PTPN6: variants seen among roughly 807,000 people sequenced by gnomAD.
PTPN6 encodes tyrosine-protein phosphatase non-receptor type 6.
Under a neutral mutation model 81.5 loss-of-function variants are expected in PTPN6, and 18 were observed. The observed-to-expected ratio is 0.22, with a 90% confidence interval of 0.15 to 0.33. The LOEUF is 0.33. PTPN6 is among the 10% of genes least tolerant of loss of function. The pLI is 1.00. For synonymous variants in PTPN6, 301 were observed against 310.9 expected (o/e 0.97, Z 0.33); for missense variants, 500 against 794.2 (o/e 0.63, Z 4.45).
At chr12:6,951,301 C>T, upstream of PTPN6, 1 of 1,484,158 alleles carries the variant, frequency 6.7e-7, no homozygotes, top group East Asian at 2.5e-5. The surrounding 1 kb of genome is among the most constrained non-coding windows in gnomAD (Gnocchi z 7.2). Flanking sequence ...AGTGAGTTCC[C>T]CCAAGGGGTC....
chr12:6,947,424 CTG>C (rs1484771305), upstream of PTPN6, among the ~76,000 whole-genome samples: 1 of 152,166 alleles, frequency 6.6e-6, no homozygotes, highest in Non-Finnish European at 1.5e-5. Flanking sequence ...GATCCCAGCA[CTG>C]TGGGAGGCTG....
rs782034662 is a variant in PTPN6 at position 6,960,259 on chromosome 12, T to TGGGC, written c.1581+23_1581+24insCGGG. 6.9e-4 allele frequency: 795 copies of TGGGC among 1,146,752 alleles called. 9 individuals are homozygous for TGGGC. Among genetic ancestry groups the TGGGC allele is most frequent in the African/African-American group, 5.9e-3 (271 of 45,964 alleles). The allele number at this position is 1,146,752 out of a possible 1,614,324, so 71.0% of individuals were successfully genotyped here. ...CTGCAGGTGCGTGCAGAGCAGGGCCTGGGGGGGGGGGGGGCTGCAGTGCAG... is the reference window on the plus strand; with the variant it reads ...CTGCAGGTGCGTGCAGAGCAGGGCCTGGGCGGGGGGGGGGGGGGCTGCAGTGCAG... On this transcript the variant is annotated intron_variant, in intron 13 of 15. Coordinates refer to ENST00000318974, the MANE Select transcript of PTPN6 (RefSeq NM_002831.6). This position sits in a 1 kb window ranked among gnomAD's most constrained non-coding sequence, Gnocchi z 6.1.
chr12:6,949,474 A>C (rs1378383217), upstream of PTPN6, among the ~76,000 whole-genome samples: 6 of 152,202 alleles, frequency 3.9e-5, no homozygotes, highest in African/African-American at 1.4e-4. Flanking sequence ...GGCGTCTGAC[A>C]GCCGTGTTTT....
upstream of PTPN6, chr12:6,946,841 C>A: frequency 7.8e-7 from 1 of 1,285,482 alleles, no homozygotes; most frequent in Non-Finnish European, 1.1e-6. Flanking sequence ...TGAGTGCGAT[C>A]TGCCGCTGCC....
Position 6,955,129 on chromosome 12 carries a change from G to C in PTPN6, c.517-22G>C. The stretch of plus-strand genomic sequence containing the variant: ...GGAGGGAGACTCAAGTCCTGTGAAT[G>C]GCCTAATTTGGCTCCCCCCAGGGTG... On this transcript the variant is annotated intron_variant, in intron 4 of 15. Coordinates refer to ENST00000318974, the MANE Select transcript of PTPN6 (RefSeq NM_002831.6). The surrounding 1 kb of genome is among the most constrained non-coding windows in gnomAD (Gnocchi z 7.2). 1 of 1,612,726 alleles carries C rather than the reference G, an allele frequency of 6.2e-7. No homozygotes were observed. Among genetic ancestry groups the C allele is most frequent in the South Asian group, 1.1e-5 (1 of 91,038 alleles).
rs1224849170 is a variant in PTPN6 at position 6,957,851 on chromosome 12, C to T, written c.1206+66C>T. The stretch of plus-strand genomic sequence containing the variant: ...CCCTGGACTTGTTCTCCTCTCTGGT[C>T]GGGTAGGGTGAGATGGATGAGGTGT... On this transcript the variant is annotated intron_variant, in intron 10 of 15. Transcript: ENST00000318974. This position sits in a 1 kb window ranked among gnomAD's most constrained non-coding sequence, Gnocchi z 6.5. The T allele has an allele frequency of 2.2e-5, 35 of 1,613,880 alleles. No homozygotes were observed. Among genetic ancestry groups the T allele is most frequent in the Middle Eastern group, 1.6e-4 (1 of 6,062 alleles).
rs1027567228 is a variant in PTPN6, at chr12:6,955,490, A to C, written c.747+5A>C. 6.2e-7 allele frequency: 1 copy of C among 1,612,984 alleles called. No individual in the cohort carries two copies. Among genetic ancestry groups the C allele is most frequent in the Non-Finnish European group, 8.5e-7 (1 of 1,179,218 alleles). On this transcript the variant is annotated splice_donor_5th_base_variant and intron_variant, in intron 6 of 15. Transcript: ENST00000318974. The surrounding 1 kb of genome is among the most constrained non-coding windows in gnomAD (Gnocchi z 7.2). ...GGCTTCTGGGAGGAGTTTGAGGTGCATGGTGGGGACCGGCAGGGCTGGGGC... is the reference window on the plus strand; with the variant it reads ...GGCTTCTGGGAGGAGTTTGAGGTGCCTGGTGGGGACCGGCAGGGCTGGGGC...
In PTPN6 at chr12:6,956,576, G is replaced by GC. The variant is rs201680985; in HGVS notation, c.1074+15dup. Reference sequence around the variant, plus strand: ...GAGGTGGAGAAAGGCCGGGTAGGGCGCCCCCCCTTCCCCGCATCCGCCCCC... The same window carrying GC: ...GAGGTGGAGAAAGGCCGGGTAGGGCGCCCCCCCCTTCCCCGCATCCGCCCCC... On this transcript the variant is annotated intron_variant, in intron 9 of 15. Coordinates refer to ENST00000318974, the MANE Select transcript of PTPN6 (RefSeq NM_002831.6). The surrounding 1 kb of genome is among the most constrained non-coding windows in gnomAD (Gnocchi z 4.1). 3,508 of 1,613,072 alleles carry GC rather than the reference G, an allele frequency of 2.2e-3. 63 individuals are homozygous for GC. In the African/African-American group the frequency reaches 0.036, roughly 17 times the overall value.
chr12:6,956,415 C>A lies in PTPN6; in HGVS notation c.925-4C>A. 1 of 1,614,136 alleles carries A rather than the reference C, an allele frequency of 6.2e-7. No homozygotes were observed. The highest frequency in any genetic ancestry group is 1.6e-4 in the Middle Eastern group (1 of 6,062). ...GGGGTGCGTCTCTCCACGCTTGCGTCCAGAACCAGCTGCTAGGCCCTGATG... is the reference window on the plus strand; with the variant it reads ...GGGGTGCGTCTCTCCACGCTTGCGTACAGAACCAGCTGCTAGGCCCTGATG... On this transcript the variant is annotated splice_polypyrimidine_tract_variant and splice_region_variant and intron_variant, in intron 8 of 15. Transcript: ENST00000318974. This position sits in a 1 kb window ranked among gnomAD's most constrained non-coding sequence, Gnocchi z 4.1.
upstream of PTPN6, chr12:6,946,647 C>A: frequency 8.0e-7 from 1 of 1,250,208 alleles, no homozygotes; most frequent in Non-Finnish European, 1.2e-6. Context: ...CTGGCTTGGG[C>A]CACTGTGCAC....
At chr12:6,947,145 ATCT>A (rs1945837214), upstream of PTPN6, among the ~76,000 whole-genome samples, 1 of 152,140 alleles carries the variant, frequency 6.6e-6, no homozygotes, top group South Asian at 2.1e-4. Context: ...CTTTGGTCCC[ATCT>A]TCTTTGTTTC....
upstream of PTPN6, among the ~76,000 whole-genome samples, chr12:6,947,587 T>C (rs1945847085): frequency 6.6e-6 from 1 of 150,680 alleles, no homozygotes; most frequent in African/African-American, 2.4e-5. Flanking sequence ...GAGGCTTGCT[T>C]GAGCCTGGGA....
At chr12:6,951,016 G>T (rs991444907), upstream of PTPN6, among the ~76,000 whole-genome samples, 2 of 152,242 alleles carry the variant, frequency 1.3e-5, no homozygotes, top group African/African-American at 2.4e-5. This position sits in a 1 kb window ranked among gnomAD's most constrained non-coding sequence, Gnocchi z 7.2. Flanking sequence ...CGCCATCATT[G>T]TTATTAGCGT....
upstream of PTPN6, among the ~76,000 whole-genome samples, chr12:6,949,100 G>T (rs782752694): frequency 6.6e-6 from 1 of 152,122 alleles, no homozygotes; most frequent in Admixed American, 6.5e-5. Context: ...CGGCCCCACC[G>T]ATGGGGTTCC....
rs368426352 is a variant in PTPN6 at position 6,955,197 on chromosome 12, C to T, written c.563C>T (p.Thr188Met). Residue 188 changes from threonine to methionine, a missense_variant, in exon 5 of 16, where the codon ACG becomes ATG. Physicochemically the swap from Thr to Met is moderately conservative, Grantham distance 81. Transcript: ENST00000318974. This position sits in a 1 kb window ranked among gnomAD's most constrained non-coding sequence, Gnocchi z 7.2. ...GGTTTGGAGACCTTCGACAGCCTCA[C>T]GGACCTGGTGGAGCATTTCAAGAAG... ...VGGLETFDSL[T>M]DLVEHFKKTG... 60 of 1,614,088 alleles carry T rather than the reference C, an allele frequency of 3.7e-5. No homozygotes were observed. Among genetic ancestry groups the T allele is most frequent in the Non-Finnish European group, 4.7e-5 (56 of 1,180,032 alleles).
chr12:6,951,231 C>A (rs1945917612), upstream of PTPN6: 17 of 1,425,250 alleles, frequency 1.2e-5, no homozygotes, highest in Non-Finnish European at 1.4e-5. The surrounding 1 kb of genome is among the most constrained non-coding windows in gnomAD (Gnocchi z 7.2). Flanking sequence ...CCCGTCCCCA[C>A]CCCCAGTGCC....
upstream of PTPN6, among the ~76,000 whole-genome samples, chr12:6,947,771 G>A (rs185850279): frequency 6.2e-4 from 95 of 152,136 alleles, no homozygotes; most frequent in Admixed American, 3.1e-3. Context: ...AGGCCTTCCC[G>A]AGGAGGTGAC....
rs1555148535 is a variant in PTPN6, at chr12:6,955,692, C to G, written c.780C>G (p.His260Gln). 1 of 1,613,992 alleles carries G rather than the reference C, an allele frequency of 6.2e-7. No homozygotes were observed. The highest frequency in any genetic ancestry group is 2.2e-5 in the East Asian group (1 of 44,850). The change falls in exon 7 of 16, where the codon CAC becomes CAG. Residue 260 changes from histidine (H) to glutamine (Q), a missense_variant. Physicochemically the swap from His to Gln is conservative, Grantham distance 24 (BLOSUM62 0). Around this residue, in one of 6 missense-constraint regions of PTPN6, gnomAD observed 96 missense variants for 137.3 expected, o/e 0.70. Coordinates refer to ENST00000318974, the MANE Select transcript of PTPN6 (RefSeq NM_002831.6). This position sits in a 1 kb window ranked among gnomAD's most constrained non-coding sequence, Gnocchi z 7.2. ...AGAAGCAGGAGGTGAAGAACTTGCA[C>G]CAGCGTCTGGAAGGGCAGCGGCCAG... Reference protein sequence around the residue: ...SLQKQEVKNLHQRLEGQRPEN... With the variant: ...SLQKQEVKNLQQRLEGQRPEN...
rs1212656314 is a variant in PTPN6 at position 6,956,333 on chromosome 12, A to G, written c.925-86A>G. 1 of 1,611,574 alleles carries G rather than the reference A, an allele frequency of 6.2e-7. No homozygotes were observed. The highest frequency in any genetic ancestry group is 8.5e-7 in the Non-Finnish European group (1 of 1,177,860). On this transcript the variant is annotated intron_variant, in intron 8 of 15. Transcript: ENST00000318974. The surrounding 1 kb of genome is among the most constrained non-coding windows in gnomAD (Gnocchi z 4.1). ...GGCAAAGCCGAAGCTGGCTTCTTGC[A>G]TGGGTGAGGGTGGCAGTGGTTCAGG...
Sources: gnomAD v4.1 joint callset for allele counts (sites outside exome capture counted in the v4.1 genomes callset) on GRCh38, gnomAD v4.1.1 for gene constraint, gnomAD v4.1.1 regional missense constraint, Gnocchi (gnomAD v3.1) non-coding constraint, MANE v1.5 for transcripts, NCBI Gene and HGNC (gene_info 2026-07-23, HGNC 2026-07-21) for gene names.